The following LRGUK variants were observed in gnomAD, a reference collection of about 807,000 sequenced individuals.
LRGUK encodes the protein leucine-rich repeat and guanylate kinase domain-containing protein.
Under a neutral mutation model 76.0 loss-of-function variants are expected in LRGUK, and 65 were observed. That is an observed-to-expected ratio of 0.85 (90% confidence interval 0.70 to 1.05). The LOEUF (loss-of-function observed/expected upper bound fraction) is 1.05. Among genes scored for constraint, LRGUK ranks in the 50% least tolerant of loss-of-function variants. The pLI is 0.00. For missense variants in LRGUK, 758 were observed against 732.8 expected (o/e 1.03, Z -0.40); for synonymous variants, 268 against 265.6 (o/e 1.01, Z -0.09).
chr7:134,211,747 C>T (rs1245918229), downstream of LRGUK, among the ~76,000 whole-genome samples: 3 of 152,104 alleles, frequency 2.0e-5, no homozygotes, highest in Non-Finnish European at 4.4e-5. Context: ...ATCAGTTGTT[C>T]GTTTATCTAT....
At chr7:134,171,994 C>CAT (rs1799274937) in intron 7 of LRGUK, among the ~76,000 whole-genome samples, 1 of 152,138 alleles carries the variant, frequency 6.6e-6, no homozygotes, top group Non-Finnish European at 1.5e-5. Context: ...TCATCCTACC[C>CAT]ATGGAAGGCC....
chr7:134,183,723 C>T lies in LRGUK; in HGVS notation c.1215-11C>T, dbSNP rs780818484. 1 of 1,613,562 alleles carries T rather than the reference C, an allele frequency of 6.2e-7. No individual in the cohort carries two copies. Among genetic ancestry groups the T allele is most frequent in the Non-Finnish European group, 8.5e-7 (1 of 1,179,710 alleles). Reference sequence around the variant, plus strand: ...TGCAATAGGAGAACTGACTCTGGTCCTGTGTTGTAGCACTCTTCCCAGCCT... The same window carrying T: ...TGCAATAGGAGAACTGACTCTGGTCTTGTGTTGTAGCACTCTTCCCAGCCT... On this transcript the variant is annotated splice_polypyrimidine_tract_variant and intron_variant, in intron 10 of 15. Transcript: ENST00000645682.
intron 12 of LRGUK, 34 bp from the exon 13 acceptor site, chr7:134,196,958 T>C (rs1224729450): frequency 8.8e-7 from 1 of 1,138,098 alleles, no homozygotes; most frequent in South Asian, 1.3e-5. Context: ...ATGGCTGCTG[T>C]TATATGAAAA....
At chr7:134,256,459 C>CA (rs34522132) in intron 18 of LRGUK, among the ~76,000 whole-genome samples, 6,529 of 56,964 alleles carry the variant, frequency 0.11, 482 homozygotes, top group East Asian at 0.23. Context: ...AACTCTGTCT[C>CA]AAAAAAAAAA....
intron 15 of LRGUK, among the ~76,000 whole-genome samples, chr7:134,221,332 G>T (rs1585574029): frequency 2.0e-5 from 3 of 152,214 alleles, no homozygotes; most frequent in South Asian, 2.1e-4. Context: ...GGAAATATTA[G>T]ATATTATTTA....
intron 16 of LRGUK, among the ~76,000 whole-genome samples, chr7:134,225,205 A>G (rs1801710502): frequency 6.6e-6 from 1 of 151,658 alleles, no homozygotes; most frequent in Non-Finnish European, 1.5e-5. Context: ...TAAAATGAAG[A>G]CAGTATGGGG....
chr7:134,160,331 T>G (rs897471500), intron 6 of LRGUK, among the ~76,000 whole-genome samples: 2 of 152,204 alleles, frequency 1.3e-5, no homozygotes, highest in Non-Finnish European at 2.9e-5. Flanking sequence ...TTTCTTAGAT[T>G]TGGTGGATTG....
At chr7:134,160,236 G>C (rs1270075891) in intron 6 of LRGUK, among the ~76,000 whole-genome samples, 2 of 152,142 alleles carry the variant, frequency 1.3e-5, no homozygotes, top group African/African-American at 4.8e-5. Flanking sequence ...TTCATCCTAA[G>C]AGTGTGTTTC....
intron 6 of LRGUK, among the ~76,000 whole-genome samples, chr7:134,160,723 C>T (rs1001264597): frequency 1.3e-5 from 2 of 152,152 alleles, no homozygotes; most frequent in African/African-American, 2.4e-5. Context: ...AAATTCATTT[C>T]GTCACAGTAA....
intron 12 of LRGUK, 120 bp downstream of exon 12, chr7:134,191,871 G>T (rs2117053905): frequency 1.6e-6 from 1 of 615,084 alleles, no homozygotes; most frequent in Non-Finnish European, 2.7e-6. Flanking sequence ...TATGAGAGGT[G>T]AGTTTTTATG....
intron 4 of LRGUK, among the ~76,000 whole-genome samples, chr7:134,147,599 T>C (rs886338904): frequency 1.3e-5 from 2 of 152,142 alleles, no homozygotes; most frequent in African/African-American, 2.4e-5. Context: ...AAGGATGAAA[T>C]TGAGGTAAAT....
At position 134,177,082 on chromosome 7, in the gene LRGUK, A is replaced by T. The variant is rs141593745; in HGVS notation, c.1107+19A>T. On this transcript the variant is annotated intron_variant, in intron 9 of 15. Transcript: ENST00000645682. ...AGAAAAGGTATGTAATCATGTCATA[A>T]CATTACCATTGTGTTATTGGGTTAA... 1.5e-4 allele frequency: 226 copies of T among 1,489,564 alleles called. No homozygotes were observed. In the African/African-American group the frequency reaches 2.9e-3, roughly 19 times the overall value. 92.3% of individuals were successfully genotyped at this position (1,489,564 alleles called of 1,614,324 possible).
At chr7:134,189,292 G>A (rs540333075) in intron 11 of LRGUK, among the ~76,000 whole-genome samples, 12 of 152,148 alleles carry the variant, frequency 7.9e-5, no homozygotes, top group Middle Eastern at 3.2e-3. Flanking sequence ...GTCCTGGCTC[G>A]AGCAAATTTC....
chr7:134,162,199 C>A (rs1424371665), intron 6 of LRGUK, among the ~76,000 whole-genome samples: 2 of 152,204 alleles, frequency 1.3e-5, no homozygotes, highest in African/African-American at 4.8e-5. Context: ...ATTCTGCAAT[C>A]TGAGCCAGGC....
intron 1 of LRGUK, 78 bp downstream of exon 1, chr7:134,127,742 C>G (rs1797075465): frequency 6.8e-7 from 1 of 1,466,944 alleles, no homozygotes; most frequent in Non-Finnish European, 9.1e-7. Flanking sequence ...CCCCGATGCA[C>G]CCCCACCAGC....
intron 8 of LRGUK, among the ~76,000 whole-genome samples, chr7:134,176,593 G>A (rs1189073218): frequency 6.6e-6 from 1 of 152,060 alleles, no homozygotes; most frequent in East Asian, 1.9e-4. Flanking sequence ...TGTTAGCCAG[G>A]ATGTTCTCGA....
exon 16 of LRGUK, chr7:134,209,614 G>T (rs757302320): frequency 1.3e-5 from 5 of 398,842 alleles, no homozygotes; most frequent in Non-Finnish European, 2.2e-5. Flanking sequence ...AACTCCTATC[G>T]CCCAGCAGGG....
chr7:134,246,799 C>A (rs1383333899), intron 16 of LRGUK, among the ~76,000 whole-genome samples: 2 of 152,164 alleles, frequency 1.3e-5, no homozygotes, highest in South Asian at 4.1e-4. Context: ...TTATGTAAAA[C>A]AAAGAATCAC....
At chr7:134,261,009 T>C (rs112377006) in intron 19 of LRGUK, among the ~76,000 whole-genome samples, 97 of 152,292 alleles carry the variant, frequency 6.4e-4, no homozygotes, top group African/African-American at 2.3e-3. Context: ...TTTCCCACCA[T>C]TTGAGTGTGG....
Sources: allele counts gnomAD v4.1 joint callset (sites outside exome capture counted in the v4.1 genomes callset), GRCh38; gene constraint gnomAD v4.1.1; transcripts MANE v1.5; gene names NCBI Gene and HGNC (gene_info 2026-07-23, HGNC 2026-07-21).